The following BCAS3 variants were observed in gnomAD, a reference collection of about 807,000 sequenced individuals.
BCAS3 encodes the protein BCAS3 microtubule associated cell migration factor, also known as BCAS4/BCAS3 fusion.
Under a neutral mutation model 116.1 loss-of-function variants are expected in BCAS3, and 53 were observed. The ratio of observed to expected loss-of-function variants is 0.46; its 90% CI spans 0.37 to 0.57. BCAS3 has a LOEUF of 0.57. BCAS3 is among the 20% of genes least tolerant of loss of function. The probability of loss-of-function intolerance (pLI) is 0.00; values close to 1 mark genes in which losing one functional copy is unlikely to be tolerated. For synonymous variants in BCAS3, 391 were observed against 408.2 expected, an observed-to-expected ratio of 0.96 and a Z score of 0.51; for missense variants, 917 against 1,165.4, an observed-to-expected ratio of 0.79 and a Z score of 3.10.
chr17:60,710,463 A>G (rs572932879), intron 5 of BCAS3, among the ~76,000 whole-genome samples: 3 of 140,746 alleles, frequency 2.1e-5, no homozygotes, highest in African/African-American at 8.0e-5. Flanking sequence ...ACAGAGTTTC[A>G]CTCTGTTGCC....
At chr17:61,225,610 T>G (rs1402739475) in intron 22 of BCAS3, among the ~76,000 whole-genome samples, 1 of 152,174 alleles carries the variant, frequency 6.6e-6, no homozygotes, top group African/African-American at 2.4e-5. Context: ...ATTATCTCAG[T>G]TTTAAGTTCT....
At chr17:60,854,935 T>C in intron 7 of BCAS3, among the ~76,000 whole-genome samples, 1 of 151,886 alleles carries the variant, frequency 6.6e-6, no homozygotes, top group Middle Eastern at 3.4e-3. Context: ...TTTTTCTTAT[T>C]TATTTTCAGT....
In BCAS3 at chr17:61,349,193, C is replaced by T. The variant is rs1258168110; in HGVS notation, c.2426-19134C>T. On this transcript the variant is annotated intron_variant, in intron 22 of 23. Coordinates refer to ENST00000407086, the MANE Select transcript of BCAS3 (RefSeq NM_017679.5). The surrounding 1 kb of genome is among the most constrained non-coding windows in gnomAD (Gnocchi z 4.7). Reference sequence around the variant, plus strand: ...AGAAGGGCCTGAGAATTCATTTGCTCAGTAAGCATTCCAAGTGCTTCTTCT... The same window carrying T: ...AGAAGGGCCTGAGAATTCATTTGCTTAGTAAGCATTCCAAGTGCTTCTTCT... Among the ~76,000 whole-genome samples, 1 of 152,194 alleles carries T rather than the reference C, an allele frequency of 6.6e-6. No individual in the cohort carries two copies. The highest frequency in any genetic ancestry group is 1.5e-5 in the Non-Finnish European group (1 of 68,038).
intron 13 of BCAS3, among the ~76,000 whole-genome samples, chr17:60,936,225 A>G (rs1370246539): frequency 1.3e-5 from 2 of 150,298 alleles, no homozygotes; most frequent in South Asian, 2.1e-4. Context: ...TCCATGGTGT[A>G]TATGTGCCAC....
chr17:61,284,926 G>A (rs115117021), intron 22 of BCAS3, among the ~76,000 whole-genome samples: 1,822 of 152,330 alleles, frequency 0.012, 42 homozygotes, highest in African/African-American at 0.041. Context: ...CACCTAGCTA[G>A]TGCCTGTTGT....
chr17:61,061,198 A>G (rs995556651), intron 19 of BCAS3, among the ~76,000 whole-genome samples: 6 of 152,194 alleles, frequency 3.9e-5, no homozygotes, highest in African/African-American at 1.4e-4. Context: ...TTGTCTCTCC[A>G]TGCCAGGGCA....
chr17:61,123,853 C>T (rs929043975), intron 22 of BCAS3, among the ~76,000 whole-genome samples: 8 of 152,144 alleles, frequency 5.3e-5, no homozygotes, highest in Non-Finnish European at 8.8e-5. Flanking sequence ...TTCTCTGTGA[C>T]ACCCAAGACC....
chr17:61,319,713 A>C (rs1158347322), intron 22 of BCAS3, among the ~76,000 whole-genome samples: 1 of 151,946 alleles, frequency 6.6e-6, no homozygotes, highest in Non-Finnish European at 1.5e-5. Flanking sequence ...TTTACTCCTT[A>C]GTGCAGAACT....
chr17:61,052,322 T>C (rs1430569378), intron 19 of BCAS3, among the ~76,000 whole-genome samples: 1 of 152,152 alleles, frequency 6.6e-6, no homozygotes, highest in Non-Finnish European at 1.5e-5. Flanking sequence ...GTTAATTTCA[T>C]TCAATGTATT....
Position 61,249,688 on chromosome 17 carries a change from T to G in BCAS3, c.2426-118639T>G, listed in dbSNP as rs2048226764. 6.6e-6 allele frequency among the ~76,000 whole-genome samples: 1 copy of G among 151,974 alleles called. No individual in the cohort carries two copies. Among genetic ancestry groups the G allele is most frequent in the South Asian group, 2.1e-4 (1 of 4,836 alleles). ...GTTGTTTTAGGAAGCTCAGAATTAT[T>G]TAGAAATACTTGTGAAATCATGGTC... is the stretch of plus-strand genomic sequence containing the variant. On this transcript the variant is annotated intron_variant, in intron 22 of 23. Coordinates refer to ENST00000407086, the MANE Select transcript of BCAS3 (RefSeq NM_017679.5). The surrounding 1 kb of genome is among the most constrained non-coding windows in gnomAD (Gnocchi z 6.2).
intron 13 of BCAS3, among the ~76,000 whole-genome samples, chr17:60,946,664 C>G (rs1447807059): frequency 6.6e-6 from 1 of 152,144 alleles, no homozygotes; most frequent in African/African-American, 2.4e-5. Flanking sequence ...AATCTCAGAG[C>G]TTTGAGAGGC....
At chr17:61,127,260 C>G (rs189363178) in intron 22 of BCAS3, among the ~76,000 whole-genome samples, 3 of 152,194 alleles carry the variant, frequency 2.0e-5, no homozygotes, top group Non-Finnish European at 4.4e-5. Context: ...GGTCTCTATT[C>G]CATGTTATCT....
intron 22 of BCAS3, among the ~76,000 whole-genome samples, chr17:61,102,216 A>T (rs1360857120): frequency 6.6e-6 from 1 of 152,160 alleles, no homozygotes. Flanking sequence ...AATTGTATGC[A>T]TCTGTTTTCA....
rs539842429 is a variant in BCAS3, at chr17:60,993,585, T to A, written c.1486+3350T>A. On this transcript the variant is annotated intron_variant, in intron 15 of 23. Transcript: ENST00000407086. This position sits in a 1 kb window ranked among gnomAD's most constrained non-coding sequence, Gnocchi z 4.2. ...AGAGTGATGGTCATTTTTCTTCATG[T>A]TTTTTTGTATCTTACATGTCATAAC... Among the ~76,000 whole-genome samples the A allele has an allele frequency of 2.6e-5, 4 of 152,194 alleles. No homozygotes were observed. Among genetic ancestry groups the A allele is most frequent in the Non-Finnish European group, 5.9e-5 (4 of 68,022 alleles).
At chr17:61,031,792 G>A (rs1163591622) in intron 16 of BCAS3, among the ~76,000 whole-genome samples, 1 of 151,808 alleles carries the variant, frequency 6.6e-6, no homozygotes, top group Admixed American at 6.6e-5. Flanking sequence ...GAAATTTAAG[G>A]CCCTATCAGA....
At chr17:60,752,462 C>T (rs543639123) in intron 6 of BCAS3, among the ~76,000 whole-genome samples, 5 of 150,884 alleles carry the variant, frequency 3.3e-5, no homozygotes, top group Admixed American at 6.6e-5. Context: ...CTCACTCTGT[C>T]GCCCAGGCTG....
At position 60,902,636 on chromosome 17, in the gene BCAS3, A is replaced by T. The variant is rs2145064278; in HGVS notation, c.755A>T (p.Gln252Leu). 1 of 1,611,678 alleles carries T rather than the reference A, an allele frequency of 6.2e-7. No homozygotes were observed. The highest frequency in any genetic ancestry group is 1.1e-5 in the South Asian group (1 of 91,028). ...YAENKLIRCH[Q>L]SRGGACGDNI... ...TTTTCTCAGTTGATTCGATGTCATC[A>T]GTCCCGTGGTGGAGCCTGTGGAGAC... is the stretch of plus-strand genomic sequence containing the variant. The change falls in exon 11 of 24, where the codon CAG (glutamine) becomes CTG (leucine). Residue 252 changes from glutamine (Q) to leucine (L), a missense_variant. By Grantham distance (113) the Gln-to-Leu change is moderately radical. Transcript: ENST00000407086.
At chr17:61,163,674 TCAAA>T (rs1476475890) in intron 22 of BCAS3, among the ~76,000 whole-genome samples, 3 of 151,638 alleles carry the variant, frequency 2.0e-5, no homozygotes, top group African/African-American at 2.4e-5. Flanking sequence ...TACCCAAAAG[TCAAA>T]CAAACAAATT....
intron 6 of BCAS3, among the ~76,000 whole-genome samples, chr17:60,766,208 T>G (rs1598558692): frequency 6.6e-6 from 1 of 152,212 alleles, no homozygotes; most frequent in East Asian, 1.9e-4. Context: ...AAAGTCATTC[T>G]CTGTCCTGCT....
Sources: gnomAD v4.1 joint callset for allele counts (sites outside exome capture counted in the v4.1 genomes callset) on GRCh38, gnomAD v4.1.1 for gene constraint, Gnocchi (gnomAD v3.1) non-coding constraint, MANE v1.5 for transcripts, NCBI Gene and HGNC (gene_info 2026-07-23, HGNC 2026-07-21) for gene names.